The following FHIT variants were observed in gnomAD, a reference collection of about 807,000 sequenced individuals.
FHIT encodes the protein fragile histidine triad diadenosine triphosphatase.
FHIT carries 19 observed loss-of-function variants against 17.9 expected under a neutral mutation model. The observed-to-expected ratio is 1.06, with a 90% CI of 0.74 to 1.56. The LOEUF is 1.56. FHIT is among the 40% of genes most tolerant of loss of function. FHIT has a pLI of 0.00. For missense variants in FHIT, 248 were observed against 189.2 expected, an observed-to-expected ratio of 1.31 and a Z score of -1.82; for synonymous variants, 81 against 69.7, an observed-to-expected ratio of 1.16 and a Z score of -0.81.
chr3:60,321,482 C>CA (rs141400010), intron 5 of FHIT, among the ~76,000 whole-genome samples: 4 of 151,396 alleles, frequency 2.6e-5, no homozygotes, highest in East Asian at 3.9e-4. Context: ...CTCAAAAAAC[C>CA]AAAAAAAATT....
At chr3:60,095,133 A>G (rs1376629112) in intron 5 of FHIT, among the ~76,000 whole-genome samples, 1 of 152,164 alleles carries the variant, frequency 6.6e-6, no homozygotes, top group African/African-American at 2.4e-5. Flanking sequence ...TGAGATAAAG[A>G]CTTATCTCAA....
At chr3:59,997,889 AT>A (rs1177764502) in intron 7 of FHIT, among the ~76,000 whole-genome samples, 2 of 152,036 alleles carry the variant, frequency 1.3e-5, no homozygotes, top group Non-Finnish European at 2.9e-5. Context: ...GCTATCTTTT[AT>A]TTTTTAAGCA....
At chr3:59,833,161 T>C (rs1428669167) in intron 8 of FHIT, among the ~76,000 whole-genome samples, 1 of 152,154 alleles carries the variant, frequency 6.6e-6, no homozygotes, top group Non-Finnish European at 1.5e-5. Flanking sequence ...AAGCCTGTCA[T>C]GGGTTGAACT....
At chr3:60,024,107 T>C (rs17061837) in intron 5 of FHIT, among the ~76,000 whole-genome samples, 4,958 of 152,294 alleles carry the variant, frequency 0.033, 185 homozygotes, top group African/African-American at 0.083. Context: ...GCATGTGTTT[T>C]AAATGGAAAA....
chr3:60,865,716 T>C (rs1197090124), intron 3 of FHIT, among the ~76,000 whole-genome samples: 1 of 152,138 alleles, frequency 6.6e-6, no homozygotes, highest in Non-Finnish European at 1.5e-5. Flanking sequence ...CCCTGTGAGA[T>C]AGGCATGCTT....
At chr3:59,978,060 T>C (rs1708492028) in intron 7 of FHIT, among the ~76,000 whole-genome samples, 1 of 152,210 alleles carries the variant, frequency 6.6e-6, no homozygotes, top group African/African-American at 2.4e-5. Flanking sequence ...TGGGCTGTCA[T>C]GTACAATCTC....
chr3:59,948,583 A>T (rs1057311490), intron 7 of FHIT, among the ~76,000 whole-genome samples: 1 of 152,052 alleles, frequency 6.6e-6, no homozygotes, highest in Non-Finnish European at 1.5e-5. Flanking sequence ...CCAGAGTAGT[A>T]GTTGTCTTCT....
chr3:61,240,377 CTG>C (rs1008514694), intron 1 of FHIT, among the ~76,000 whole-genome samples: 4 of 152,198 alleles, frequency 2.6e-5, no homozygotes, highest in Admixed American at 6.5e-5. Flanking sequence ...CACATATACT[CTG>C]GTATGAATGG....
rs543488889 is a variant in FHIT at position 60,952,265 on chromosome 3, G to A, written c.-111+89782C>T. 4.1e-4 allele frequency among the ~76,000 whole-genome samples: 62 copies of A among 149,686 alleles called. No homozygotes were observed. In the South Asian group the frequency reaches 9.9e-3, roughly 24 times the overall value. On this transcript the variant is annotated intron_variant, in intron 3 of 9. Transcript: ENST00000492590. The stretch of plus-strand genomic sequence containing the variant: ...TCCACTGACCACAGATTGTAATCTC[G>A]GCCAACCACTATAGTGGGGAAAGAA...
intron 3 of FHIT, among the ~76,000 whole-genome samples, chr3:60,848,771 A>C (rs1350334138): frequency 2.0e-5 from 3 of 152,144 alleles, no homozygotes; most frequent in Admixed American, 2.0e-4. Context: ...TCAAACTGGT[A>C]GCTATTTTTT....
chr3:60,087,586 G>A (rs1425731979), intron 5 of FHIT, among the ~76,000 whole-genome samples: 7 of 152,232 alleles, frequency 4.6e-5, no homozygotes, highest in Admixed American at 4.6e-4. Context: ...TTGCAGCCTA[G>A]CATTTTCATC....
intron 8 of FHIT, among the ~76,000 whole-genome samples, chr3:59,833,112 G>C (rs1378648281): frequency 6.6e-6 from 1 of 152,102 alleles, no homozygotes; most frequent in African/African-American, 2.4e-5. Context: ...AATCACATGG[G>C]GGTAAGTTAC....
intron 8 of FHIT, among the ~76,000 whole-genome samples, chr3:59,786,397 G>T (rs1349785503): frequency 6.6e-6 from 1 of 152,090 alleles, no homozygotes; most frequent in Non-Finnish European, 1.5e-5. Context: ...TTACAAATTT[G>T]TAGCACTTGA....
chr3:60,759,932 T>C (rs782775988), intron 4 of FHIT, among the ~76,000 whole-genome samples: 3 of 152,082 alleles, frequency 2.0e-5, no homozygotes, highest in Non-Finnish European at 2.9e-5. Flanking sequence ...CCTTCCTTCC[T>C]TCCTGCTTTC....
chr3:60,903,255 G>T (rs1415335703), intron 3 of FHIT, among the ~76,000 whole-genome samples: 1 of 152,132 alleles, frequency 6.6e-6, no homozygotes, highest in Non-Finnish European at 1.5e-5. Context: ...GCTTATATAA[G>T]GATCAATGAA....
rs531697874 is a variant in FHIT, at chr3:60,924,990, A to G, written c.-110-102979T>C. Among the ~76,000 whole-genome samples, 321 of 152,254 alleles carry G rather than the reference A, an allele frequency of 2.1e-3. 2 individuals carry two copies. Among genetic ancestry groups the G allele is most frequent in the African/African-American group, 7.4e-3 (309 of 41,552 alleles). ...GAAGATCAAATGAATGAAATGAAGC[A>G]AGAAGGGAAGTTTAGAGAAAAAAGA... On this transcript the variant is annotated intron_variant, in intron 3 of 9. Transcript: ENST00000492590.
intron 5 of FHIT, among the ~76,000 whole-genome samples, chr3:60,136,424 G>C (rs1363091739): frequency 6.6e-6 from 1 of 152,052 alleles, no homozygotes; most frequent in Non-Finnish European, 1.5e-5. Context: ...CCATTATCTG[G>C]CACCCTTTGC....
At chr3:60,860,189 G>GTATATATGGTATACATGAT (rs1703603110) in intron 3 of FHIT, among the ~76,000 whole-genome samples, 1 of 89,862 alleles carries the variant, frequency 1.1e-5, no homozygotes, top group African/African-American at 5.4e-5. Context: ...GTATACATGA[G>GTATATATGGTATACATGAT]ATACATCATA....
intron 5 of FHIT, among the ~76,000 whole-genome samples, chr3:60,525,908 G>T (rs2035555204): frequency 6.6e-6 from 1 of 152,062 alleles, no homozygotes; most frequent in Non-Finnish European, 1.5e-5. Context: ...TTTGAGATCA[G>T]CCTGAGCAAC....
Sources: allele counts gnomAD v4.1 joint callset (sites outside exome capture counted in the v4.1 genomes callset), GRCh38; gene constraint gnomAD v4.1.1; transcripts MANE v1.5; gene names NCBI Gene and HGNC (gene_info 2026-07-23, HGNC 2026-07-21).